AMBN: variants seen among roughly 807,000 people sequenced by gnomAD.
AMBN encodes ameloblastin.
In AMBN, 54 loss-of-function variants were observed where a neutral mutation model predicts 48.0. That is an observed-to-expected ratio of 1.12 (90% CI 0.90 to 1.41). The LOEUF is 1.41. AMBN is among the 40% of genes most tolerant of loss of function. AMBN has a pLI of 0.00. For synonymous variants in AMBN, 186 were observed against 190.0 expected (o/e 0.98, Z 0.17); for missense variants, 571 against 547.3 (o/e 1.04, Z -0.43).
chr4:70,604,851 G>T (rs1019379150), intron 12 of AMBN, among the ~76,000 whole-genome samples: 1 of 152,066 alleles, frequency 6.6e-6, no homozygotes, highest in Non-Finnish European at 1.5e-5. Context: ...AAATCAGCCA[G>T]GTTTAGTGGC....
Position 70,606,100 on chromosome 4 carries a change from C to T in AMBN, c.799-85C>T, listed in dbSNP as rs918483682. 35 of 1,473,842 alleles carry T rather than the reference C, an allele frequency of 2.4e-5. No individual in the cohort carries two copies. The African/African-American group carries it at 4.1e-4, about 17-fold the overall frequency. 91.3% of individuals were successfully genotyped at this position (1,473,842 alleles called of 1,614,324 possible). A position where few individuals can be genotyped will look rare whatever the true frequency, so the allele number is the denominator to read the frequency against. The stretch of plus-strand genomic sequence containing the variant: ...ATTCTCCACCAGTTTTTTAGAGATC[C>T]TTGGTGAATGTGACCAGGTATAGCT... On this transcript the variant is annotated intron_variant, in intron 12 of 12. Coordinates refer to ENST00000322937, the MANE Select transcript of AMBN (RefSeq NM_016519.6).
intron 6 of AMBN, 168 bp downstream of exon 6, chr4:70,601,822 A>G (rs1256985412): frequency 2.7e-6 from 2 of 734,886 alleles, no homozygotes; most frequent in Admixed American, 4.4e-5. Context: ...AGTAAAACGT[A>G]AATATCCATT....
chr4:70,603,370 T>A (rs1411748039), intron 10 of AMBN, 46 bp from the exon 11 acceptor site: 1 of 1,613,138 alleles, frequency 6.2e-7, no homozygotes, highest in Non-Finnish European at 8.5e-7. Flanking sequence ...TTAAAAGTTT[T>A]TCCATTGGAA....
At chr4:70,595,014 T>C (rs969188211) in intron 2 of AMBN, among the ~76,000 whole-genome samples, 1 of 152,120 alleles carries the variant, frequency 6.6e-6, no homozygotes, top group Non-Finnish European at 1.5e-5. Flanking sequence ...GGATGTGTTA[T>C]TTATGCACTG....
At chr4:70,592,748 G>A (rs1737301760) in intron 1 of AMBN, among the ~76,000 whole-genome samples, 1 of 151,962 alleles carries the variant, frequency 6.6e-6, no homozygotes, top group African/African-American at 2.4e-5. Flanking sequence ...CTAAATTTGA[G>A]ACATATTTTC....
intron 5 of AMBN, among the ~76,000 whole-genome samples, chr4:70,600,609 T>G (rs1279571366): frequency 1.3e-5 from 2 of 152,138 alleles, no homozygotes; most frequent in Non-Finnish European, 2.9e-5. Flanking sequence ...AGCCCCAAAT[T>G]GTTGCGAGAC....
chr4:70,601,039 TTCTC>T (rs773118004), intron 5 of AMBN, among the ~76,000 whole-genome samples: 8 of 152,134 alleles, frequency 5.3e-5, no homozygotes, highest in South Asian at 2.1e-4. Context: ...AAACATATCA[TTCTC>T]TCTCCGTTGA....
At chr4:70,598,331 G>T in intron 3 of AMBN, 25 bp from the exon 4 acceptor site, 1 of 1,551,340 alleles carries the variant, frequency 6.4e-7, no homozygotes, top group South Asian at 1.3e-5. Context: ...GCGATAAACA[G>T]TAACCCACTT....
chr4:70,600,621 TC>T (rs35913040), intron 5 of AMBN, among the ~76,000 whole-genome samples: 1 of 152,170 alleles, frequency 6.6e-6, no homozygotes, highest in South Asian at 2.1e-4. Context: ...TTGCGAGACT[TC>T]CTTGCTGGTC....
rs1383490077 is a variant in AMBN at position 70,594,897 on chromosome 4, G to T, written c.84+1502G>T. On this transcript the variant is annotated intron_variant, in intron 2 of 12. Coordinates refer to ENST00000322937, the MANE Select transcript of AMBN (RefSeq NM_016519.6). ...CAGATGTTCTTCTCCTATTAATTCT[G>T]CATGGGAAATGTATCCCCTATCTGT... Among the ~76,000 whole-genome samples the T allele has an allele frequency of 5.3e-5, 8 of 152,130 alleles. 1 individual carries two copies. The highest frequency in any genetic ancestry group is 4.1e-4 in the South Asian group (2 of 4,830).
chr4:70,598,499 T>C, intron 4 of AMBN, 96 bp downstream of exon 4: 1 of 966,520 alleles, frequency 1.0e-6, no homozygotes, highest in Admixed American at 2.8e-5. Context: ...GAATAGACAA[T>C]ATACTAAAGA....
At chr4:70,598,806 G>A (rs891835922) in intron 4 of AMBN, among the ~76,000 whole-genome samples, 3 of 151,604 alleles carry the variant, frequency 2.0e-5, no homozygotes, top group Admixed American at 6.6e-5. Context: ...ACAGAGTGTC[G>A]CTCTGTTGCC....
chr4:70,601,432 GC>G lies in AMBN; in HGVS notation c.311del (p.Pro104LeufsTer13). 6.2e-7 allele frequency: 1 copy of G among 1,613,890 alleles called. No individual in the cohort carries two copies. The highest frequency in any genetic ancestry group is 8.5e-7 in the Non-Finnish European group (1 of 1,179,900). Reference protein sequence around the residue: ...HETQQYEYSLPVHPPPLPSQP... With the variant: ...HETQQYEYSLXVHPPPLPSQP... ...TTTCTCTGCAGTATGAATATTCTTT[GC>G]CTGTGCATCCCCCACCTCTCCCATC... On this transcript the variant is annotated frameshift_variant, in exon 6 of 13. Coordinates refer to ENST00000322937, the MANE Select transcript of AMBN (RefSeq NM_016519.6). LOFTEE classifies it high-confidence loss of function.
rs771276958 is a variant in AMBN, at chr4:70,603,507, C to T, written c.753+47C>T. On this transcript the variant is annotated intron_variant, in intron 11 of 12. Transcript: ENST00000322937. ...AGTATTGTTTTTAATTAAATTTTAT[C>T]TTAAGAGCTAAAATTCAAAAATCTA... is the stretch of plus-strand genomic sequence containing the variant. 9 of 1,561,932 alleles carry T rather than the reference C, an allele frequency of 5.8e-6. 1 individual carries two copies. The South Asian group carries it at 5.9e-5, about 10-fold the overall frequency.
intron 9 of AMBN, 40 bp from the exon 10 acceptor site, chr4:70,603,220 G>A: frequency 6.3e-7 from 1 of 1,582,108 alleles, no homozygotes; most frequent in Non-Finnish European, 8.7e-7. Flanking sequence ...ATGGGGATGT[G>A]CCTGTGAGAA....
At chr4:70,592,439 C>G in intron 1 of AMBN, 66 bp downstream of exon 1, 1 of 1,550,958 alleles carries the variant, frequency 6.4e-7, no homozygotes, top group South Asian at 1.1e-5. Context: ...CTCCTGACAG[C>G]TTTTATAAAG....
rs941247968 is a variant in AMBN, at chr4:70,602,944, A to G, written c.610-28A>G. ...ATCTATTTTGTTCCTTTTTTGACTG[A>G]TAATTTTAATATTTATCTGTAATAT... On this transcript the variant is annotated intron_variant, in intron 8 of 12. Coordinates refer to ENST00000322937, the MANE Select transcript of AMBN (RefSeq NM_016519.6). 2.5e-6 allele frequency: 4 copies of G among 1,576,596 alleles called. No individual in the cohort carries two copies. In the African/African-American group the frequency reaches 5.5e-5, roughly 22 times the overall value.
chr4:70,597,029 A>G lies in AMBN; in HGVS notation c.115A>G (p.Met39Val). 6.2e-7 allele frequency: 1 copy of G among 1,613,600 alleles called. No individual in the cohort carries two copies. Residue 39 changes from methionine to valine, a missense_variant, in exon 3 of 13, where the codon ATG (methionine) becomes GTG (valine). Transcript: ENST00000322937. ...TCCTCAGCAATCTGGAACACCGGGT[A>G]TGGCTAGTTTGAGCCTTGAGGTATG... ...FFPQQSGTPGMASLSLETMRQ... is the reference protein window; with the variant it reads ...FFPQQSGTPGVASLSLETMRQ...
In AMBN at chr4:70,601,650, C is replaced by T. The variant is rs1271205016; in HGVS notation, c.527C>T (p.Pro176Leu). The T allele has an allele frequency of 6.8e-6, 11 of 1,613,654 alleles. No homozygotes were observed. The highest frequency in any genetic ancestry group is 8.5e-6 in the Non-Finnish European group (10 of 1,179,802). ...QVAPSDKPPK[P>L]ELPGVDFADP... ...GCACCATCAGATAAGCCACCAAAGC[C>T]TGAGGTACTTCCTTTCTCTTGAAGT... The change falls in exon 6 of 13, where the codon CCT becomes CTT. Residue 176 changes from proline (P) to leucine (L), a missense_variant. Transcript: ENST00000322937.
Sources: gnomAD v4.1 joint callset for allele counts (sites outside exome capture counted in the v4.1 genomes callset) on GRCh38, gnomAD v4.1.1 for gene constraint, MANE v1.5 for transcripts, NCBI Gene and HGNC (gene_info 2026-07-23, HGNC 2026-07-21) for gene names.